Variants in DHODH observed in about 807,000 individuals in gnomAD.
DHODH encodes dihydroorotate dehydrogenase (quinone).
Under a neutral mutation model 39.7 loss-of-function variants are expected in DHODH, and 30 were observed. The ratio of observed to expected loss-of-function variants is 0.76; its 90% confidence interval spans 0.57 to 1.02. The LOEUF (loss-of-function observed/expected upper bound fraction) is 1.02. Among genes scored for constraint, DHODH ranks in the 50% least tolerant of loss-of-function variants. DHODH has a pLI of 0.00. For synonymous variants in DHODH, 222 were observed against 213.8 expected (o/e 1.04, Z -0.34); for missense variants, 531 against 520.8 (o/e 1.02, Z -0.19).
chr16:72,016,938 T>C (rs2041147711), intron 3 of DHODH, 86 bp from the exon 4 acceptor site: 3 of 1,287,094 alleles, frequency 2.3e-6, no homozygotes, highest in Middle Eastern at 2.1e-4. Flanking sequence ...TTTTTTTTTT[T>C]CTCTTGTTTG....
intron 2 of DHODH, among the ~76,000 whole-genome samples, chr16:72,012,562 A>G (rs8061140): frequency 0.12 from 17,632 of 152,234 alleles, 1,962 homozygotes; most frequent in African/African-American, 0.3. Flanking sequence ...AGCAACATAA[A>G]GGAACTCAAG....
chr16:72,011,726 T>C (rs184012656), intron 1 of DHODH, among the ~76,000 whole-genome samples: 11 of 152,362 alleles, frequency 7.2e-5, no homozygotes, highest in Admixed American at 4.6e-4. Flanking sequence ...TCTGACTTTA[T>C]GGATTCCTGC....
Position 72,008,775 on chromosome 16 carries a change from G to A in DHODH, c.11G>A (p.Arg4Lys). The change falls in exon 1 of 9, where the codon AGA becomes AAA. Residue 4 changes from arginine to lysine, a missense_variant. By Grantham distance (26) the Arg-to-Lys change is conservative (BLOSUM62 2). Transcript: ENST00000219240. MAWRHLKKRAQDAV... is the reference protein window; with the variant it reads MAWKHLKKRAQDAV... ...AATGACGGAAGGAGCATGGCGTGGA[G>A]ACACCTGAAAGTGAGTCCCGCGAGT... 1.3e-6 allele frequency: 2 copies of A among 1,551,884 alleles called. No individual in the cohort carries two copies. The highest frequency in any genetic ancestry group is 1.7e-6 in the Non-Finnish European group (2 of 1,147,064).
In DHODH at chr16:72,014,537, A is replaced by C. The variant is rs1472542840; in HGVS notation, c.299A>C (p.His100Pro). The C allele has an allele frequency of 6.2e-7, 1 of 1,614,212 alleles. No homozygotes were observed. The highest frequency in any genetic ancestry group is 8.5e-7 in the Non-Finnish European group (1 of 1,180,028). The change falls in exon 3 of 9, where the codon CAT becomes CCT. Residue 100 changes from histidine to proline, a missense_variant. His to Pro is a moderately conservative substitution (Grantham distance 77, BLOSUM62 -2). Transcript: ENST00000219240. ...PVGIAAGFDK[H>P]GEAVDGLYKM... ...GGAATTGCTGCAGGATTTGACAAGC[A>C]TGGGGAAGCCGTGGACGGACTTTAT...
chr16:72,019,025 A>G (rs1424081225), intron 4 of DHODH, among the ~76,000 whole-genome samples: 1 of 152,210 alleles, frequency 6.6e-6, no homozygotes, highest in African/African-American at 2.4e-5. Flanking sequence ...GTGCAATCTC[A>G]GCTCACAGTA....
At chr16:72,022,138 G>C (rs2041225219) in intron 5 of DHODH, among the ~76,000 whole-genome samples, 1 of 151,260 alleles carries the variant, frequency 6.6e-6, no homozygotes, top group African/African-American at 2.4e-5. Flanking sequence ...AAACACCCTT[G>C]AGCTATTAGC....
chr16:72,025,757 G>C lies in DHODH; in HGVS notation c.*1558G>C, dbSNP rs996517722. ...ATCCCCAGCTCCTCTGGCTCTGCCT[G>C]TTCAAAGCTACCCTGTGAGGCCTGA... On this transcript the variant is annotated 3_prime_UTR_variant, in exon 9 of 9. Transcript: ENST00000219240. 1 of 152,376 alleles carries C rather than the reference G, an allele frequency of 6.6e-6. No homozygotes were observed. Among genetic ancestry groups the C allele is most frequent in the African/African-American group, 2.4e-5 (1 of 41,470 alleles). The allele number at this position is 152,376 out of a possible 1,614,324, so 9.4% of individuals were successfully genotyped here. A position where few individuals can be genotyped will look rare whatever the true frequency, so the allele number is the denominator to read the frequency against.
chr16:72,009,932 G>C lies in DHODH; in HGVS notation c.21+1147G>C, dbSNP rs1597392576. Among the ~76,000 whole-genome samples, 4 of 152,154 alleles carry C rather than the reference G, an allele frequency of 2.6e-5. No individual in the cohort carries two copies. The South Asian group carries it at 6.2e-4, about 24-fold the overall frequency. On this transcript the variant is annotated intron_variant, in intron 1 of 8. Coordinates refer to ENST00000219240, the MANE Select transcript of DHODH (RefSeq NM_001361.5). Reference sequence around the variant, plus strand: ...TCTTTTTAAAATAAATAAATGGAGAGAGATGGGATCTCACTGTGTTGCCCA... The same window carrying C: ...TCTTTTTAAAATAAATAAATGGAGACAGATGGGATCTCACTGTGTTGCCCA...
At chr16:72,013,570 T>G (rs1167222499) in intron 2 of DHODH, 3 of 152,222 alleles carry the variant, frequency 2.0e-5, no homozygotes, top group Admixed American at 2.0e-4. Flanking sequence ...CTCTCCACCC[T>G]TCACCTATGT....
rs778342387 is a variant in DHODH, at chr16:72,025,325, C to T, written c.*1126C>T. 6.6e-6 allele frequency: 1 copy of T among 152,108 alleles called. No homozygotes were observed. Among genetic ancestry groups the T allele is most frequent in the Non-Finnish European group, 1.5e-5 (1 of 68,032 alleles). 9.4% of individuals were successfully genotyped at this position (152,108 alleles called of 1,614,324 possible). On this transcript the variant is annotated 3_prime_UTR_variant, in exon 9 of 9. Transcript: ENST00000219240. ...ACATGTGGCTGTATTTTTTGTATAC[C>T]GATTTCTGGATGGAATGCACACTGT...
chr16:72,010,221 A>G (rs1215471529), intron 1 of DHODH, among the ~76,000 whole-genome samples: 5 of 152,018 alleles, frequency 3.3e-5, no homozygotes, highest in Non-Finnish European at 7.4e-5. Flanking sequence ...CTCTGTTCCA[A>G]ACTTTCTCCC....
chr16:72,027,436 A>T lies in DHODH; in HGVS notation c.*3237A>T, dbSNP rs1036162475. 1 of 152,100 alleles carries T rather than the reference A, an allele frequency of 6.6e-6. No individual in the cohort carries two copies. The highest frequency in any genetic ancestry group is 1.5e-5 in the Non-Finnish European group (1 of 68,044). 9.4% of individuals were successfully genotyped at this position (152,100 alleles called of 1,614,324 possible). A position where few individuals can be genotyped will look rare whatever the true frequency, so the allele number is the denominator to read the frequency against. Reference sequence around the variant, plus strand: ...GTGAGCCACCGCACCCGGCCCAAGGATACCTATTTTTCTTAATGCTGGAAG... The same window carrying T: ...GTGAGCCACCGCACCCGGCCCAAGGTTACCTATTTTTCTTAATGCTGGAAG... On this transcript the variant is annotated 3_prime_UTR_variant, in exon 9 of 9. Transcript: ENST00000219240.
intron 4 of DHODH, chr16:72,020,528 C>T (rs2041201226): frequency 6.6e-6 from 1 of 152,474 alleles, no homozygotes; most frequent in Non-Finnish European, 1.5e-5. Flanking sequence ...GCTGAGTTTT[C>T]AATTATAGAG....
chr16:72,022,093 CAAAA>C (rs57957042), intron 5 of DHODH, among the ~76,000 whole-genome samples: 7 of 86,052 alleles, frequency 8.1e-5, no homozygotes, highest in Admixed American at 1.4e-4. Context: ...GACCTTGTCT[CAAAA>C]AAAAAAAAAA....
intron 4 of DHODH, chr16:72,020,313 GTGTATA>G (rs2041190149): frequency 7.6e-6 from 1 of 131,178 alleles, no homozygotes; most frequent in African/African-American, 3.2e-5. Context: ...ATATATATAT[GTGTATA>G]TGTATATGTG....
chr16:72,019,303 G>C (rs1490996080), intron 4 of DHODH, among the ~76,000 whole-genome samples: 2 of 152,146 alleles, frequency 1.3e-5, no homozygotes, highest in African/African-American at 2.4e-5. Flanking sequence ...CTGGAAAGTA[G>C]CTACACTCAT....
At chr16:72,017,245 A>T in intron 4 of DHODH, 139 bp downstream of exon 4, 1 of 881,128 alleles carries the variant, frequency 1.1e-6, no homozygotes, top group African/African-American at 1.7e-5. Flanking sequence ...CCTCTCCTAG[A>T]GCGATTTTCC....
Position 72,022,280 on chromosome 16 carries a change from C to T in DHODH, c.706-82C>T. On this transcript the variant is annotated intron_variant, in intron 5 of 8. Transcript: ENST00000219240. The stretch of plus-strand genomic sequence containing the variant: ...TAGTTTGATCGCTATTGTGGAAACC[C>T]ACTGACCTGCAGCGTAGGTCACAGC... 3 of 1,003,978 alleles carry T rather than the reference C, an allele frequency of 3.0e-6. No individual in the cohort carries two copies. In the South Asian group the frequency reaches 4.1e-5, roughly 14 times the overall value. 62.2% of individuals were successfully genotyped at this position (1,003,978 alleles called of 1,614,324 possible). A position where few individuals can be genotyped will look rare whatever the true frequency, so the allele number is the denominator to read the frequency against.
chr16:72,011,904 C>CT, intron 1 of DHODH, 146 bp from the exon 2 acceptor site: 1 of 653,222 alleles, frequency 1.5e-6, no homozygotes, highest in Non-Finnish European at 2.7e-6. Flanking sequence ...CAGCCTCTGA[C>CT]TGTAGAGACC....
Sources: allele counts gnomAD v4.1 joint callset (sites outside exome capture counted in the v4.1 genomes callset), GRCh38; gene constraint gnomAD v4.1.1; transcripts MANE v1.5; gene names NCBI Gene and HGNC (gene_info 2026-07-23, HGNC 2026-07-21).